The following ANKS1A variants were observed in gnomAD, a reference collection of about 807,000 sequenced individuals.
ANKS1A encodes ankyrin repeat and SAM domain-containing protein 1A.
In ANKS1A, 55 loss-of-function variants were observed where a neutral mutation model predicts 120.3. The observed-to-expected ratio is 0.46, with a 90% CI of 0.37 to 0.57. The LOEUF (loss-of-function observed/expected upper bound fraction) is 0.57. Among genes scored for constraint, ANKS1A ranks in the 20% least tolerant of loss-of-function variants. ANKS1A has a pLI of 0.00. For synonymous variants in ANKS1A, 590 were observed against 604.7 expected (o/e 0.98, Z 0.36); for missense variants, 1,123 against 1,480.3 (o/e 0.76, Z 3.96).
At chr6:34,893,081 T>C (rs1234945378) in intron 1 of ANKS1A, among the ~76,000 whole-genome samples, 3 of 152,222 alleles carry the variant, frequency 2.0e-5, no homozygotes, top group Non-Finnish European at 4.4e-5. Flanking sequence ...GACTAGCTGC[T>C]TGACATTATT....
At chr6:34,954,193 A>C (rs1770228983) in intron 1 of ANKS1A, among the ~76,000 whole-genome samples, 2 of 152,160 alleles carry the variant, frequency 1.3e-5, no homozygotes, top group Admixed American at 1.3e-4. Flanking sequence ...GTACTCATTC[A>C]TGTGCTGTTC....
At chr6:34,990,776 A>G (rs1772462258) in intron 9 of ANKS1A, among the ~76,000 whole-genome samples, 1 of 152,168 alleles carries the variant, frequency 6.6e-6, no homozygotes, top group South Asian at 2.1e-4. Flanking sequence ...AGAGTTTGAG[A>G]TACATTTTCT....
chr6:35,060,210 A>G lies in ANKS1A; in HGVS notation c.2141A>G (p.Glu714Gly). Residue 714 changes from glutamate to glycine, a missense_variant, in exon 13 of 24, where the codon GAG (glutamate) becomes GGG (glycine). Coordinates refer to ENST00000360359, the MANE Select transcript of ANKS1A (RefSeq NM_015245.3). This position sits in a 1 kb window ranked among gnomAD's most constrained non-coding sequence, Gnocchi z 4.5. ...WLESIGLQQY[E>G]SKLLLNGFDD... is the part of the protein sequence containing the mutation. ...GAGTCGATTGGGCTGCAGCAGTATG[A>G]GAGCAAGTTGCTTCTGAATGGCTTT... 3 of 1,613,002 alleles carry G rather than the reference A, an allele frequency of 1.9e-6. No homozygotes were observed. The highest frequency in any genetic ancestry group is 2.5e-6 in the Non-Finnish European group (3 of 1,179,836).
At chr6:34,904,072 T>C (rs995464631) in intron 1 of ANKS1A, among the ~76,000 whole-genome samples, 1 of 152,158 alleles carries the variant, frequency 6.6e-6, no homozygotes, top group South Asian at 2.1e-4. Context: ...TCAGTCTCCA[T>C]GGGGGATTGA....
intron 10 of ANKS1A, 144 bp from the exon 11 acceptor site, chr6:35,017,329 C>G (rs1774073450): frequency 1.3e-6 from 1 of 776,220 alleles, no homozygotes; most frequent in Non-Finnish European, 2.0e-6. Flanking sequence ...CTTCTTCTCT[C>G]CTCTCCCCCT....
At chr6:35,023,672 A>G (rs1774466096) in intron 11 of ANKS1A, 1 of 419,276 alleles carries the variant, frequency 2.4e-6, no homozygotes, top group South Asian at 2.0e-5. Context: ...CTGTTGGATC[A>G]GGCTCTAAAG....
chr6:35,047,343 G>A (rs1016512463), intron 11 of ANKS1A, among the ~76,000 whole-genome samples: 6 of 152,188 alleles, frequency 3.9e-5, no homozygotes, highest in African/African-American at 1.4e-4. Flanking sequence ...TTGATTCTGA[G>A]TAGAAGTTTA....
intron 10 of ANKS1A, among the ~76,000 whole-genome samples, chr6:35,011,762 G>C (rs1773769769): frequency 6.6e-6 from 1 of 152,166 alleles, no homozygotes; most frequent in African/African-American, 2.4e-5. Flanking sequence ...GCCTCTCTGT[G>C]CAGTGTTAGC....
rs369043867 is a variant in ANKS1A at position 35,075,360 on chromosome 6, A to C, written c.2185-3198A>C. On this transcript the variant is annotated intron_variant, in intron 13 of 23. Coordinates refer to ENST00000360359, the MANE Select transcript of ANKS1A (RefSeq NM_015245.3). ...AGCCAGCATAAAAGCCAAAAGATAA[A>C]TAGCAAACTGGAAAACAAATATCTA... 1.4e-4 allele frequency among the ~76,000 whole-genome samples: 21 copies of C among 152,274 alleles called. No individual in the cohort carries two copies. In the East Asian group the frequency reaches 2.3e-3, roughly 17 times the overall value.
chr6:34,993,025 G>C (rs1005366129), intron 9 of ANKS1A, among the ~76,000 whole-genome samples: 3 of 152,116 alleles, frequency 2.0e-5, no homozygotes, highest in African/African-American at 7.2e-5. Context: ...ACATTTTTAG[G>C]GTAGCATTAT....
chr6:35,036,792 C>G lies in ANKS1A; in HGVS notation c.2011-17307C>G, dbSNP rs146015865. The stretch of plus-strand genomic sequence containing the variant: ...TATGTGGTGCCTTACAGCAGTGGTT[C>G]TCAAAGGGCAATTGCAGACCAGCAG... On this transcript the variant is annotated intron_variant, in intron 11 of 23. Coordinates refer to ENST00000360359, the MANE Select transcript of ANKS1A (RefSeq NM_015245.3). 1.4e-3 allele frequency among the ~76,000 whole-genome samples: 212 copies of G among 152,310 alleles called. 3 individuals carry two copies. The highest frequency in any genetic ancestry group is 4.8e-3 in the African/African-American group (198 of 41,562).
intron 1 of ANKS1A, among the ~76,000 whole-genome samples, chr6:34,962,140 T>C (rs1334146242): frequency 6.6e-6 from 1 of 152,204 alleles, no homozygotes; most frequent in Non-Finnish European, 1.5e-5. Flanking sequence ...CATATACTTT[T>C]TGGTTTGGAA....
chr6:35,008,444 T>G (rs1773575698), intron 10 of ANKS1A, among the ~76,000 whole-genome samples: 1 of 152,200 alleles, frequency 6.6e-6, no homozygotes, highest in South Asian at 2.1e-4. Context: ...GCTCCTGGCC[T>G]CAAGCAATCC....
intron 23 of ANKS1A, among the ~76,000 whole-genome samples, chr6:35,087,403 A>T (rs779749914): frequency 6.6e-6 from 1 of 152,200 alleles, no homozygotes; most frequent in African/African-American, 2.4e-5. Flanking sequence ...GGCAGTCTCC[A>T]GCAGGATCCC....
In ANKS1A at chr6:35,090,753, A is replaced by G. The variant is rs1778256772; in HGVS notation, c.*2144A>G. On this transcript the variant is annotated 3_prime_UTR_variant, in exon 24 of 24. Coordinates refer to ENST00000360359, the MANE Select transcript of ANKS1A (RefSeq NM_015245.3). ...TTGCACTTCTCCAAGTGCAGGTCACACCAGGGGCAGACCCTGTCGCTGCGT... is the reference window on the plus strand; with the variant it reads ...TTGCACTTCTCCAAGTGCAGGTCACGCCAGGGGCAGACCCTGTCGCTGCGT... The G allele has an allele frequency of 3.0e-6, 3 of 986,946 alleles. No homozygotes were observed. Among genetic ancestry groups the G allele is most frequent in the Non-Finnish European group, 3.6e-6 (3 of 831,100 alleles). The allele number at this position is 986,946 out of a possible 1,614,324, so 61.1% of individuals were successfully genotyped here. A position where few individuals can be genotyped will look rare whatever the true frequency, so the allele number is the denominator to read the frequency against.
At chr6:35,053,843 A>G (rs999139531) in intron 11 of ANKS1A, among the ~76,000 whole-genome samples, 2 of 152,246 alleles carry the variant, frequency 1.3e-5, no homozygotes, top group African/African-American at 4.8e-5. Context: ...GAGGCTCTTC[A>G]GTATTTCTAG....
At chr6:35,036,038 G>A (rs1047961997) in intron 11 of ANKS1A, among the ~76,000 whole-genome samples, 6 of 152,332 alleles carry the variant, frequency 3.9e-5, no homozygotes, top group Non-Finnish European at 8.8e-5. Context: ...TTTCCCTTCA[G>A]CAGTTGGAGT....
intron 10 of ANKS1A, among the ~76,000 whole-genome samples, chr6:35,013,687 C>A (rs1773873719): frequency 6.6e-6 from 1 of 152,234 alleles, no homozygotes; most frequent in African/African-American, 2.4e-5. Flanking sequence ...AGTTCTGGGG[C>A]CTGTCTCAGA....
At chr6:35,061,483 G>T (rs1413070337) in intron 13 of ANKS1A, among the ~76,000 whole-genome samples, 27 of 152,130 alleles carry the variant, frequency 1.8e-4, no homozygotes, top group Admixed American at 1.8e-3. Context: ...TTCTCTAATG[G>T]GGGCTTCTGA....
Sources: gnomAD v4.1 joint callset for allele counts (sites outside exome capture counted in the v4.1 genomes callset) on GRCh38, gnomAD v4.1.1 for gene constraint, Gnocchi (gnomAD v3.1) non-coding constraint, MANE v1.5 for transcripts, NCBI Gene and HGNC (gene_info 2026-07-23, HGNC 2026-07-21) for gene names.